OR2T6: variants seen among roughly 807,000 people sequenced by gnomAD.
OR2T6 encodes olfactory receptor 2T6.
For synonymous variants in OR2T6, 174 were observed against 148.0 expected, an observed-to-expected ratio of 1.18 and a Z score of -1.27; for missense variants, 424 against 391.6, an observed-to-expected ratio of 1.08 and a Z score of -0.70.
At chr1:248,378,597 T>C (rs1016429457) in intron 1 of OR2T6, among the ~76,000 whole-genome samples, 13 of 152,140 alleles carry the variant, frequency 8.5e-5, no homozygotes, top group African/African-American at 3.1e-4. Context: ...CAGATACTCT[T>C]CCGTTTAGTT....
rs1661240664 is a variant in OR2T6 at position 248,390,974 on chromosome 1, G to T, written c.*2439G>T. 2 of 152,098 alleles carry T rather than the reference G, an allele frequency of 1.3e-5. No homozygotes were observed. Among genetic ancestry groups the T allele is most frequent in the South Asian group, 4.2e-4 (2 of 4,818 alleles). 9.4% of individuals were successfully genotyped at this position (152,098 alleles called of 1,614,324 possible). On this transcript the variant is annotated 3_prime_UTR_variant, in exon 3 of 3. Coordinates refer to ENST00000641644, the MANE Select transcript of OR2T6 (RefSeq NM_001005471.2). The stretch of plus-strand genomic sequence containing the variant: ...CTAGTCATTATTTCAGCTATTCTTT[G>T]AAAAGATGATTGACTTTTATATTCA...
At chr1:248,380,474 T>C (rs568516617) in intron 1 of OR2T6, among the ~76,000 whole-genome samples, 1 of 152,162 alleles carries the variant, frequency 6.6e-6, no homozygotes, top group East Asian at 1.9e-4. Flanking sequence ...TTAATATCTA[T>C]TTAAGTCTTT....
In OR2T6 at chr1:248,375,979, C is replaced by T. The variant is rs1457308021; in HGVS notation, c.-234C>T. 1 of 152,056 alleles carries T rather than the reference C, an allele frequency of 6.6e-6. No individual in the cohort carries two copies. Among genetic ancestry groups the T allele is most frequent in the Non-Finnish European group, 1.5e-5 (1 of 68,012 alleles). The allele number at this position is 152,056 out of a possible 1,614,324, so 9.4% of individuals were successfully genotyped here. On this transcript the variant is annotated 5_prime_UTR_variant, in exon 1 of 3. Transcript: ENST00000641644. ...CTTTTATCTCTTGTTTCTAAGGTCTCACCTCTTGTGAAGTTGTTTGTAAAC... is the reference window on the plus strand; with the variant it reads ...CTTTTATCTCTTGTTTCTAAGGTCTTACCTCTTGTGAAGTTGTTTGTAAAC...
At chr1:248,380,796 A>G (rs1201867702) in intron 1 of OR2T6, among the ~76,000 whole-genome samples, 3 of 151,706 alleles carry the variant, frequency 2.0e-5, no homozygotes, top group African/African-American at 7.2e-5. Flanking sequence ...AAAAAAAAAA[A>G]AAGAGATTGT....
At position 248,389,127 on chromosome 1, in the gene OR2T6, GT is replaced by G. The variant is rs1282559939; in HGVS notation, c.*596del. 1 of 152,182 alleles carries G rather than the reference GT, an allele frequency of 6.6e-6. No individual in the cohort carries two copies. Among genetic ancestry groups the G allele is most frequent in the African/African-American group, 2.4e-5 (1 of 41,436 alleles). 9.4% of individuals were successfully genotyped at this position (152,182 alleles called of 1,614,324 possible). On this transcript the variant is annotated 3_prime_UTR_variant, in exon 3 of 3. Transcript: ENST00000641644. ...GGAGCTAAAAAAAAATGAATCATGTGTTTTGTAGAAATGCCAAGACTAAATC... is the reference window on the plus strand; with the variant it reads ...GGAGCTAAAAAAAAATGAATCATGTGTTTGTAGAAATGCCAAGACTAAATC...
intron 1 of OR2T6, among the ~76,000 whole-genome samples, chr1:248,379,288 G>A (rs954899018): frequency 1.3e-5 from 2 of 152,134 alleles, no homozygotes; most frequent in African/African-American, 4.8e-5. Flanking sequence ...AAACCATAGG[G>A]GATTCCTGCA....
At chr1:248,385,760 C>G (rs1661127242) in intron 2 of OR2T6, among the ~76,000 whole-genome samples, 1 of 152,192 alleles carries the variant, frequency 6.6e-6, no homozygotes, top group Non-Finnish European at 1.5e-5. Flanking sequence ...GTGGTATACA[C>G]ACAGTAGCTA....
At chr1:248,384,222 C>T (rs1277202079) in intron 1 of OR2T6, among the ~76,000 whole-genome samples, 3 of 75,664 alleles carry the variant, frequency 4.0e-5, no homozygotes, top group African/African-American at 1.2e-4. Context: ...AAGCACTGCA[C>T]TAGCCTGAGT....
At chr1:248,382,890 C>G (rs1190632125) in intron 1 of OR2T6, among the ~76,000 whole-genome samples, 1 of 152,208 alleles carries the variant, frequency 6.6e-6, no homozygotes, top group Non-Finnish European at 1.5e-5. Flanking sequence ...CAAGTTTTAT[C>G]CTCCACAACC....
In OR2T6 at chr1:248,385,614, A is replaced by T. The variant is rs1008501936; in HGVS notation, c.-5+750A>T. ...TTCTGAGATTTTATCATTTTAAATA[A>T]CTCACAAGACAATGCACAAGCCTGC... On this transcript the variant is annotated intron_variant, in intron 2 of 2. Coordinates refer to ENST00000641644, the MANE Select transcript of OR2T6 (RefSeq NM_001005471.2). 2.6e-5 allele frequency among the ~76,000 whole-genome samples: 4 copies of T among 152,186 alleles called. No individual in the cohort carries two copies. In the East Asian group the frequency reaches 7.7e-4, roughly 29 times the overall value.
chr1:248,388,603 A>C lies in OR2T6; in HGVS notation c.*68A>C, dbSNP rs1424445505. Reference sequence around the variant, plus strand: ...ACCTCCACATCCTGTTCAGGCATATATGGGGTCGTATCATGGATACCACGG... The same window carrying C: ...ACCTCCACATCCTGTTCAGGCATATCTGGGGTCGTATCATGGATACCACGG... On this transcript the variant is annotated 3_prime_UTR_variant, in exon 3 of 3. Coordinates refer to ENST00000641644, the MANE Select transcript of OR2T6 (RefSeq NM_001005471.2). The C allele has an allele frequency of 4.1e-6, 5 of 1,208,322 alleles. No homozygotes were observed. The highest frequency in any genetic ancestry group is 5.8e-6 in the Non-Finnish European group (5 of 865,796). The allele number at this position is 1,208,322 out of a possible 1,614,324, so 74.9% of individuals were successfully genotyped here. A position where few individuals can be genotyped will look rare whatever the true frequency, so the allele number is the denominator to read the frequency against.
intron 1 of OR2T6, among the ~76,000 whole-genome samples, chr1:248,376,806 CT>C (rs1660945549): frequency 1.3e-5 from 2 of 152,236 alleles, no homozygotes; most frequent in Non-Finnish European, 2.9e-5. Flanking sequence ...ATCCTTGCCC[CT>C]CTATCTTCCT....
chr1:248,388,345 TG>T lies in OR2T6; in HGVS notation c.739del (p.Val247TrpfsTer2). Reference sequence around the variant, plus strand: ...TTTGCCACCTGCTCTTCACACATGATGGTGGTGACATTGTTCTATGGGGCTG... The same window carrying T: ...TTTGCCACCTGCTCTTCACACATGATGTGGTGACATTGTTCTATGGGGCTG... ...KAFATCSSHM[M>X]VVTLFYGAAL... On this transcript the variant is annotated frameshift_variant, in exon 3 of 3. Coordinates refer to ENST00000641644, the MANE Select transcript of OR2T6 (RefSeq NM_001005471.2). LOFTEE classifies it low-confidence loss of function (END_TRUNC). 6.2e-7 allele frequency: 1 copy of T among 1,613,552 alleles called. No individual in the cohort carries two copies.
intron 2 of OR2T6, among the ~76,000 whole-genome samples, chr1:248,385,091 T>C (rs534291933): frequency 6.6e-6 from 1 of 152,202 alleles, no homozygotes; most frequent in South Asian, 2.1e-4. Flanking sequence ...ATTTCTTGGC[T>C]AGGGGAGGGT....
In OR2T6 at chr1:248,383,647, C is replaced by T. The variant is rs558540586; in HGVS notation, c.-158-1064C>T. 3.8e-5 allele frequency among the ~76,000 whole-genome samples: 5 copies of T among 130,342 alleles called. No individual in the cohort carries two copies. In the East Asian group the frequency reaches 1.0e-3, roughly 27 times the overall value. 85.5% of individuals were successfully genotyped at this position (130,342 alleles called of 152,430 possible). ...TGCTCATCCTATCCTGAAGTGTTTC[C>T]TAATGTTATTGTCATGGGTAAAGCA... On this transcript the variant is annotated intron_variant, in intron 1 of 2. Transcript: ENST00000641644.
intron 1 of OR2T6, among the ~76,000 whole-genome samples, chr1:248,380,297 T>G (rs981210158): frequency 1.2e-4 from 18 of 152,006 alleles, no homozygotes; most frequent in African/African-American, 4.3e-4. Flanking sequence ...ATAAATATTT[T>G]ATCACTCTTC....
In OR2T6 at chr1:248,387,870, G is replaced by T. The variant is rs1227609295; in HGVS notation, c.262G>T (p.Gly88Cys). 1 of 1,596,466 alleles carries T rather than the reference G, an allele frequency of 6.3e-7. No individual in the cohort carries two copies. Among genetic ancestry groups the T allele is most frequent in the South Asian group, 1.1e-5 (1 of 88,988 alleles). Reference sequence around the variant, plus strand: ...CAAGATGCTGGTAGATTATCTCATGGGCGAGGGGACCATCTCTTTCATCGC... The same window carrying T: ...CAAGATGCTGGTAGATTATCTCATGTGCGAGGGGACCATCTCTTTCATCGC... The part of the protein sequence containing the change: ...VPKMLVDYLM[G>C]EGTISFIACT... Residue 88 changes from glycine to cysteine, a missense_variant, in exon 3 of 3, where the codon GGC becomes TGC. Gly to Cys is a radical substitution (Grantham distance 159, BLOSUM62 -3). Coordinates refer to ENST00000641644, the MANE Select transcript of OR2T6 (RefSeq NM_001005471.2).
At position 248,387,648 on chromosome 1, in the gene OR2T6, C is replaced by A; in HGVS notation, c.40C>A (p.Leu14Ile). The A allele has an allele frequency of 1.2e-6, 2 of 1,610,074 alleles. No individual in the cohort carries two copies. The highest frequency in any genetic ancestry group is 1.7e-6 in the Non-Finnish European group (2 of 1,176,916). Residue 14 changes from leucine to isoleucine, a missense_variant, in exon 3 of 3, where the codon CTC (leucine) becomes ATC (isoleucine). Physicochemically the swap from Leu to Ile is conservative, Grantham distance 5 (BLOSUM62 2). Coordinates refer to ENST00000641644, the MANE Select transcript of OR2T6 (RefSeq NM_001005471.2). ...TGAAACCTTGACCAGAGGCTTTACC[C>A]TCATGGGGCTCTTCACTCACAATAA... ...NNETLTRGFT[L>I]MGLFTHNKCS...
At chr1:248,378,440 T>G (rs1660974706) in intron 1 of OR2T6, among the ~76,000 whole-genome samples, 1 of 147,948 alleles carries the variant, frequency 6.8e-6, no homozygotes, top group Middle Eastern at 3.2e-3. Flanking sequence ...AAAGTCTTAC[T>G]CTTTACCTCT....
Sources: allele counts gnomAD v4.1 joint callset (sites outside exome capture counted in the v4.1 genomes callset), GRCh38; gene constraint gnomAD v4.1.1; transcripts MANE v1.5; gene names NCBI Gene and HGNC (gene_info 2026-07-23, HGNC 2026-07-21).